The following AFF1 variants were observed in gnomAD, a reference collection of about 807,000 sequenced individuals.
The protein encoded by AFF1 is ALF transcription elongation factor 1.
AFF1 carries 48 observed loss-of-function variants against 121.7 expected under a neutral mutation model. The ratio of observed to expected loss-of-function variants is 0.39; its 90% CI spans 0.31 to 0.50. The LOEUF (loss-of-function observed/expected upper bound fraction) is 0.50. AFF1 is among the 20% of genes least tolerant of loss of function. The pLI is 0.76. For synonymous variants in AFF1, 613 were observed against 563.0 expected, an observed-to-expected ratio of 1.09 and a Z score of -1.26; for missense variants, 1,523 against 1,511.7, an observed-to-expected ratio of 1.01 and a Z score of -0.12.
Position 87,114,770 on chromosome 4 carries a change from C to G in AFF1, c.1937C>G (p.Ser646Cys). ...LLPYGSRDQT[S>C]KDKPKVKTKG... ...CCCTATGGCTCCCGAGACCAGACTT[C>G]CAAAGACAAGCCCAAGGTGAAGACG... is the stretch of plus-strand genomic sequence containing the variant. Residue 646 changes from serine to cysteine, a missense_variant, in exon 12 of 21, where the codon TCC (serine) becomes TGC (cysteine). By Grantham distance (112) the Ser-to-Cys change is moderately radical (BLOSUM62 -1). Transcript: ENST00000395146. 6.2e-7 allele frequency: 1 copy of G among 1,613,264 alleles called. No homozygotes were observed. The highest frequency in any genetic ancestry group is 1.1e-5 in the South Asian group (1 of 91,024).
At chr4:87,040,862 C>T (rs1560565297) in intron 2 of AFF1, among the ~76,000 whole-genome samples, 1 of 146,442 alleles carries the variant, frequency 6.8e-6, no homozygotes, top group African/African-American at 2.6e-5. Flanking sequence ...CGTGAGCCAC[C>T]ATGCCCTGCT....
chr4:87,130,118 G>A (rs1398057863), intron 16 of AFF1, among the ~76,000 whole-genome samples: 1 of 150,824 alleles, frequency 6.6e-6, no homozygotes, highest in Admixed American at 6.6e-5. Flanking sequence ...GGGATTACAG[G>A]CCTGCTACCA....
rs572086202 is a variant in AFF1, at chr4:87,136,050, C to T, written c.*349C>T. On this transcript the variant is annotated 3_prime_UTR_variant, in exon 21 of 21. Transcript: ENST00000395146. ...AAGTTGCAAATGAAATGAGGAGAAA[C>T]AGTTTCAACTCTGAAAGTGAATTTC... 3.9e-6 allele frequency: 1 copy of T among 254,220 alleles called. No individual in the cohort carries two copies. Among genetic ancestry groups the T allele is most frequent in the Non-Finnish European group, 7.5e-6 (1 of 132,902 alleles). 15.7% of individuals were successfully genotyped at this position (254,220 alleles called of 1,614,324 possible). A position where few individuals can be genotyped will look rare whatever the true frequency, so the allele number is the denominator to read the frequency against.
chr4:87,013,300 A>G (rs1370270695), intron 2 of AFF1, among the ~76,000 whole-genome samples: 1 of 152,006 alleles, frequency 6.6e-6, no homozygotes, highest in Non-Finnish European at 1.5e-5. Flanking sequence ...TCGGCCTCCC[A>G]AAGTGCTGGG....
chr4:87,030,836 G>A (rs934683362), intron 2 of AFF1, among the ~76,000 whole-genome samples: 1 of 152,120 alleles, frequency 6.6e-6, no homozygotes, highest in African/African-American at 2.4e-5. Flanking sequence ...TGAGTGACTC[G>A]CATTCCCAAG....
chr4:87,121,579 G>T (rs771146273), intron 12 of AFF1, among the ~76,000 whole-genome samples: 1 of 151,190 alleles, frequency 6.6e-6, no homozygotes, highest in Non-Finnish European at 1.5e-5. Flanking sequence ...AGTGCATAGT[G>T]TACAAAAAAC....
At chr4:86,973,547 ATTTG>A (rs1297155506) in intron 2 of AFF1, among the ~76,000 whole-genome samples, 1 of 152,122 alleles carries the variant, frequency 6.6e-6, no homozygotes, top group Non-Finnish European at 1.5e-5. Flanking sequence ...AATGTATTGA[ATTTG>A]GACTGGTGTA....
intron 2 of AFF1, among the ~76,000 whole-genome samples, chr4:86,975,768 G>A (rs1408218166): frequency 6.6e-6 from 1 of 152,074 alleles, no homozygotes; most frequent in African/African-American, 2.4e-5. Context: ...TTATTCTTTT[G>A]CCCCCATAAG....
At chr4:87,005,724 G>C (rs1261370927) in intron 2 of AFF1, among the ~76,000 whole-genome samples, 1 of 152,148 alleles carries the variant, frequency 6.6e-6, no homozygotes. Flanking sequence ...ACATCAAAAA[G>C]ACCCATGCTC....
At chr4:87,052,497 T>C (rs1731372912) in intron 4 of AFF1, among the ~76,000 whole-genome samples, 1 of 151,104 alleles carries the variant, frequency 6.6e-6, no homozygotes, top group Non-Finnish European at 1.5e-5. Flanking sequence ...GAGGGGAGGA[T>C]GTGAGATGGA....
At chr4:87,127,160 T>C in intron 15 of AFF1, 43 bp downstream of exon 15, 1 of 1,474,270 alleles carries the variant, frequency 6.8e-7, no homozygotes, top group Non-Finnish European at 9.3e-7. Context: ...TTTGTTTTGT[T>C]TTGCTTCCCC....
At chr4:87,119,872 T>C (rs1313035929) in intron 12 of AFF1, among the ~76,000 whole-genome samples, 1 of 152,214 alleles carries the variant, frequency 6.6e-6, no homozygotes, top group Non-Finnish European at 1.5e-5. Flanking sequence ...AGGGAAGTTA[T>C]GATGTGTAGT....
intron 2 of AFF1, among the ~76,000 whole-genome samples, chr4:86,954,059 A>G (rs909983042): frequency 7.2e-5 from 11 of 152,118 alleles, no homozygotes; most frequent in African/African-American, 2.7e-4. Flanking sequence ...GATTAAGACC[A>G]GCTGTCTAGA....
At chr4:86,977,571 C>A (rs995967554) in intron 2 of AFF1, among the ~76,000 whole-genome samples, 1 of 152,058 alleles carries the variant, frequency 6.6e-6, no homozygotes, top group African/African-American at 2.4e-5. Flanking sequence ...TTTCCCTCAC[C>A]CCCTGCATAA....
chr4:87,056,330 A>T (rs1286947916), intron 4 of AFF1, among the ~76,000 whole-genome samples: 1 of 152,212 alleles, frequency 6.6e-6, no homozygotes, highest in East Asian at 1.9e-4. Context: ...ATTGAAGTGC[A>T]TGAATTAAGA....
At position 87,114,895 on chromosome 4, in the gene AFF1, A is replaced by G; in HGVS notation, c.2062A>G (p.Lys688Glu). The G allele has an allele frequency of 6.2e-7, 1 of 1,612,800 alleles. No individual in the cohort carries two copies. The highest frequency in any genetic ancestry group is 8.5e-7 in the Non-Finnish European group (1 of 1,179,484). The change falls in exon 12 of 21, where the codon AAG (lysine) becomes GAG (glutamate). Residue 688 changes from lysine (K) to glutamate (E), a missense_variant. Lys to Glu is a moderately conservative substitution (Grantham distance 56). Transcript: ENST00000395146. ...CAAGAGCTCCCTCCCTGCCCCCTCT[A>G]AGGCTCTCTCAGGCCCAGAACCCGC... ...KHKSSLPAPS[K>E]ALSGPEPAKD...
At chr4:86,996,846 T>G (rs1369276133) in intron 2 of AFF1, among the ~76,000 whole-genome samples, 1 of 152,266 alleles carries the variant, frequency 6.6e-6, no homozygotes, top group African/African-American at 2.4e-5. Context: ...CCCTCATGAA[T>G]GAATGCATTC....
intron 11 of AFF1, 46 bp from the exon 12 acceptor site, chr4:87,114,321 G>A (rs1726848333): frequency 6.7e-7 from 1 of 1,494,316 alleles, no homozygotes; most frequent in Non-Finnish European, 9.0e-7. Flanking sequence ...AGAATAATTT[G>A]TCATCAATGG....
At chr4:86,996,138 C>A (rs1358452650) in intron 2 of AFF1, among the ~76,000 whole-genome samples, 1 of 149,994 alleles carries the variant, frequency 6.7e-6, no homozygotes, top group Non-Finnish European at 1.5e-5. Flanking sequence ...CCGCCCTGTC[C>A]GGGAGGTGAG....
Sources: allele counts gnomAD v4.1 joint callset (sites outside exome capture counted in the v4.1 genomes callset), GRCh38; gene constraint gnomAD v4.1.1; transcripts MANE v1.5; gene names NCBI Gene and HGNC (gene_info 2026-07-23, HGNC 2026-07-21).